Variants in LMNA observed in about 807,000 individuals in gnomAD.
The protein encoded by LMNA is lamin A/C.
LMNA carries 20 observed loss-of-function variants against 70.4 expected under a neutral mutation model. The observed-to-expected ratio is 0.28, with a 90% confidence interval of 0.20 to 0.41. The LOEUF (loss-of-function observed/expected upper bound fraction) is 0.41. Ranked by LOEUF, LMNA falls within the 10% of genes least tolerant of loss-of-function variation. LMNA has a pLI of 1.00. For synonymous variants in LMNA, 339 were observed against 372.8 expected (o/e 0.91, Z 1.04); for missense variants, 652 against 917.2 (o/e 0.71, Z 3.73).
chr1:156,126,510 CG>C (rs1558123006), intron 1 of LMNA: 1 of 682,654 alleles, frequency 1.5e-6, no homozygotes, highest in South Asian at 1.6e-5. Context: ...GCGCCTGGCC[CG>C]GTGCCCACCT....
In LMNA at chr1:156,138,557, A is replaced by T. The variant is rs1162992778; in HGVS notation, c.1768A>T (p.Thr590Ser). 6.2e-7 allele frequency: 1 copy of T among 1,612,548 alleles called. No individual in the cohort carries two copies. Among genetic ancestry groups the T allele is most frequent in the Non-Finnish European group, 8.5e-7 (1 of 1,179,788 alleles). Residue 590 changes from threonine to serine, a missense_variant, in exon 11 of 12, where the codon ACC becomes TCC. Thr to Ser is a moderately conservative substitution (Grantham distance 58, BLOSUM62 1). Transcript: ENST00000368300. This position sits in a 1 kb window ranked among gnomAD's most constrained non-coding sequence, Gnocchi z 5.5. ...NLRSRTVLCG[T>S]CGQPADKASA... The stretch of plus-strand genomic sequence containing the variant: ...GCGCTCGCGCACCGTGCTGTGCGGG[A>T]CCTGCGGGCAGCCTGCCGACAAGGC...
chr1:156,121,733 C>G (rs573938849), intron 1 of LMNA, among the ~76,000 whole-genome samples: 155 of 151,714 alleles, frequency 1.0e-3, no homozygotes, highest in Non-Finnish European at 1.9e-3. Flanking sequence ...ACCAAGTCTT[C>G]AGAGACCCAG....
rs996191329 is a variant in LMNA at position 156,123,565 on chromosome 1, C to T, written c.357-7052C>T. Among the ~76,000 whole-genome samples the T allele has an allele frequency of 2.6e-5, 4 of 152,278 alleles. No homozygotes were observed. The East Asian group carries it at 5.8e-4, about 22-fold the overall frequency. On this transcript the variant is annotated intron_variant, in intron 1 of 11. Coordinates refer to ENST00000368300, the MANE Select transcript of LMNA (RefSeq NM_170707.4). ...CTCGTTTTGGTCACTGGCCTCCCTC[C>T]CGCCCCCTTCAGGACATTCTACTAT...
intron 1 of LMNA, among the ~76,000 whole-genome samples, chr1:156,121,862 G>A (rs1650213311): frequency 6.6e-6 from 1 of 152,084 alleles, no homozygotes; most frequent in Non-Finnish European, 1.5e-5. Flanking sequence ...CCCTCAATAA[G>A]GGGCAAGGCA....
intron 1 of LMNA, among the ~76,000 whole-genome samples, chr1:156,125,961 T>TC (rs1156399088): frequency 6.6e-6 from 1 of 151,840 alleles, no homozygotes; most frequent in African/African-American, 2.4e-5. Context: ...AGAATGAGAC[T>TC]CCACCTCAAA....
At chr1:156,083,781 C>G (rs953009277) in intron 2 of LMNA, among the ~76,000 whole-genome samples, 3 of 151,910 alleles carry the variant, frequency 2.0e-5, no homozygotes, top group Non-Finnish European at 2.9e-5. Context: ...CCGTCCCCCC[C>G]ACAAAAAAAC....
chr1:156,106,972 T>C (rs529230595), intron 3 of LMNA: 1 of 152,284 alleles, frequency 6.6e-6, no homozygotes, highest in Admixed American at 6.6e-5. Context: ...TTCCTTGGGA[T>C]CTGGGTCGAA....
At chr1:156,118,288 C>G (rs1044718057) in intron 1 of LMNA, among the ~76,000 whole-genome samples, 2 of 152,158 alleles carry the variant, frequency 1.3e-5, no homozygotes, top group African/African-American at 2.4e-5. Context: ...GTTTTCTGGT[C>G]AAAACTTTGA....
chr1:156,129,967 C>G (rs1650902868), intron 1 of LMNA: 2 of 721,904 alleles, frequency 2.8e-6, no homozygotes, highest in Admixed American at 4.0e-5. Flanking sequence ...GGCAGGGACC[C>G]CTCTGTTCAG....
At chr1:156,129,107 G>T (rs1264821251) in intron 1 of LMNA, among the ~76,000 whole-genome samples, 1 of 152,230 alleles carries the variant, frequency 6.6e-6, no homozygotes, top group Non-Finnish European at 1.5e-5. Context: ...ACAGAGGAGG[G>T]AATACATTCT....
In LMNA at chr1:156,139,710, C is replaced by A; in HGVS notation, c.*604C>A. The stretch of plus-strand genomic sequence containing the variant: ...CCCAGTCCCCACCCCTGCCCCCAGC[C>A]CCGGGGTGAGTCCATTCTCCCAGGT... On this transcript the variant is annotated 3_prime_UTR_variant, in exon 12 of 12. Coordinates refer to ENST00000368300, the MANE Select transcript of LMNA (RefSeq NM_170707.4). 6.5e-7 allele frequency: 1 copy of A among 1,529,786 alleles called. No individual in the cohort carries two copies. The highest frequency in any genetic ancestry group is 8.7e-7 in the Non-Finnish European group (1 of 1,144,474). The allele number at this position is 1,529,786 out of a possible 1,614,324, so 94.8% of individuals were successfully genotyped here.
At chr1:156,112,948 G>A (rs1649593722), upstream of LMNA, among the ~76,000 whole-genome samples, 1 of 152,114 alleles carries the variant, frequency 6.6e-6, no homozygotes, top group Non-Finnish European at 1.5e-5. Context: ...GAGGCAGTTG[G>A]GCAGGGCATG....
upstream of LMNA, chr1:156,109,501 T>C (rs1287356649): frequency 6.6e-6 from 1 of 152,362 alleles, no homozygotes; most frequent in Non-Finnish European, 1.5e-5. Flanking sequence ...ACTCAGCTTT[T>C]TCCCACTTCA....
At chr1:156,126,548 C>A in intron 1 of LMNA, 1 of 755,800 alleles carries the variant, frequency 1.3e-6, no homozygotes, top group East Asian at 2.6e-5. Context: ...TGGTGCCTTT[C>A]TTCCCCAAAC....
chr1:156,092,890 CTT>C (rs568056544), intron 3 of LMNA, among the ~76,000 whole-genome samples: 30 of 135,590 alleles, frequency 2.2e-4, no homozygotes, highest in Admixed American at 6.0e-4. Context: ...TTCTTTTTTT[CTT>C]TTTTTTTTTT....
intron 2 of LMNA, among the ~76,000 whole-genome samples, chr1:156,132,489 A>T (rs1025914692): frequency 2.6e-5 from 4 of 152,088 alleles, no homozygotes; most frequent in Non-Finnish European, 5.9e-5. Flanking sequence ...TAAATAAATA[A>T]AAATAAAAAT....
intron 1 of LMNA, among the ~76,000 whole-genome samples, chr1:156,116,133 T>G: frequency 6.6e-6 from 1 of 152,216 alleles, no homozygotes; most frequent in East Asian, 1.9e-4. Flanking sequence ...GCCTAGTGTC[T>G]TCGAGGGTTG....
chr1:156,092,927 T>G (rs1648765175), intron 3 of LMNA, among the ~76,000 whole-genome samples: 1 of 149,958 alleles, frequency 6.7e-6, no homozygotes, highest in African/African-American at 2.5e-5. Flanking sequence ...AGTCTTGCTG[T>G]GTTTATGCTG....
chr1:156,132,986 C>T (rs1357476935), intron 2 of LMNA, among the ~76,000 whole-genome samples: 6 of 151,640 alleles, frequency 4.0e-5, no homozygotes, highest in African/African-American at 1.5e-4. Flanking sequence ...ATTACAGGTG[C>T]CCACCACCAT....
Sources: gnomAD v4.1 joint callset for allele counts (sites outside exome capture counted in the v4.1 genomes callset) on GRCh38, gnomAD v4.1.1 for gene constraint, Gnocchi (gnomAD v3.1) non-coding constraint, MANE v1.5 for transcripts, NCBI Gene and HGNC (gene_info 2026-07-23, HGNC 2026-07-21) for gene names.